The following GRIK2 variants were observed in gnomAD, a reference collection of about 807,000 sequenced individuals.
GRIK2 encodes glutamate ionotropic receptor kainate type subunit 2.
In GRIK2, 32 loss-of-function variants were observed where a neutral mutation model predicts 100.3. The observed-to-expected ratio is 0.32, with a 90% CI of 0.24 to 0.43. The LOEUF is 0.43. GRIK2 is among the 20% of genes least tolerant of loss of function. The pLI, the probability that GRIK2 is intolerant of heterozygous loss-of-function variation, is 1.00. For synonymous variants in GRIK2, 417 were observed against 389.4 expected (o/e 1.07, Z -0.83); for missense variants, 843 against 1,114.9 (o/e 0.76, Z 3.47).
At chr6:101,686,140 C>G (rs1218502326) in intron 6 of GRIK2, 40 bp from the exon 7 acceptor site, 1 of 1,547,900 alleles carries the variant, frequency 6.5e-7, no homozygotes, top group Admixed American at 1.8e-5. Flanking sequence ...TGTGAAGATA[C>G]TCTGTCCATA....
In GRIK2 at chr6:101,769,949, T is replaced by C. The variant is rs545777997; in HGVS notation, c.952-29699T>C. Among the ~76,000 whole-genome samples the C allele has an allele frequency of 7.5e-4, 114 of 152,282 alleles. 1 individual carries two copies. Among genetic ancestry groups the C allele is most frequent in the African/African-American group, 2.5e-3 (104 of 41,560 alleles). On this transcript the variant is annotated intron_variant, in intron 7 of 16. Transcript: ENST00000369134. ...CGCCAGTCCGAGGTTAGACAGGCAGTTGCTGGGCAAATGCCCTTGTAGAAA... is the reference window on the plus strand; with the variant it reads ...CGCCAGTCCGAGGTTAGACAGGCAGCTGCTGGGCAAATGCCCTTGTAGAAA...
intron 10 of GRIK2, among the ~76,000 whole-genome samples, chr6:101,857,950 A>G (rs1018129860): frequency 2.0e-5 from 3 of 151,976 alleles, no homozygotes; most frequent in Non-Finnish European, 4.4e-5. Context: ...AAACACTCCA[A>G]TATTATGTTG....
intron 7 of GRIK2, among the ~76,000 whole-genome samples, chr6:101,726,172 T>G (rs538079506): frequency 2.0e-5 from 3 of 151,990 alleles, no homozygotes; most frequent in Non-Finnish European, 4.4e-5. Flanking sequence ...ATAATCTTCC[T>G]ATGTTGGATA....
At chr6:101,583,032 A>G (rs534605472) in intron 2 of GRIK2, among the ~76,000 whole-genome samples, 3 of 152,264 alleles carry the variant, frequency 2.0e-5, no homozygotes, top group South Asian at 2.1e-4. Flanking sequence ...ATAAGGAGAC[A>G]ATCAGGCAAG....
intron 14 of GRIK2, among the ~76,000 whole-genome samples, chr6:101,962,692 A>G (rs6929634): frequency 0.032 from 4,899 of 152,060 alleles, 151 homozygotes; most frequent in East Asian, 0.065. Context: ...TTTTTGCTTC[A>G]TATTTTGGGG....
At chr6:101,857,246 A>G (rs892771088) in intron 10 of GRIK2, among the ~76,000 whole-genome samples, 2 of 152,212 alleles carry the variant, frequency 1.3e-5, no homozygotes, top group African/African-American at 4.8e-5. Context: ...CAATGTCATC[A>G]GGGTACAGTC....
intron 10 of GRIK2, among the ~76,000 whole-genome samples, chr6:101,823,355 A>G (rs1782083233): frequency 7.2e-6 from 1 of 139,796 alleles, no homozygotes; most frequent in South Asian, 2.3e-4. Context: ...TTTATTTTAT[A>G]TATTTTTTTA....
chr6:101,805,738 G>A (rs1304059269), intron 9 of GRIK2, among the ~76,000 whole-genome samples: 2 of 152,030 alleles, frequency 1.3e-5, no homozygotes, highest in Non-Finnish European at 2.9e-5. Flanking sequence ...GTGCTGAAAA[G>A]AAGGTCATTT....
intron 9 of GRIK2, among the ~76,000 whole-genome samples, chr6:101,804,464 T>C (rs1412805856): frequency 1.3e-5 from 2 of 151,928 alleles, no homozygotes; most frequent in East Asian, 3.9e-4. Context: ...TTAAAACCAT[T>C]CTAATAGGAA....
chr6:101,870,634 A>G (rs1316651793), intron 11 of GRIK2, among the ~76,000 whole-genome samples: 1 of 151,452 alleles, frequency 6.6e-6, no homozygotes. Flanking sequence ...TTTTCTTTCC[A>G]CACTAAAGGA....
chr6:101,939,823 G>A (rs2128475223), intron 14 of GRIK2, among the ~76,000 whole-genome samples: 1 of 152,176 alleles, frequency 6.6e-6, no homozygotes, highest in African/African-American at 2.4e-5. Flanking sequence ...TAAACTGAGG[G>A]ACTTAGGATT....
At chr6:101,609,436 A>G (rs1327565943) in intron 2 of GRIK2, among the ~76,000 whole-genome samples, 2 of 151,800 alleles carry the variant, frequency 1.3e-5, no homozygotes, top group African/African-American at 4.8e-5. Context: ...TATAAAAATA[A>G]CTCATGTCAT....
At chr6:101,879,874 A>G (rs1034190015) in intron 11 of GRIK2, among the ~76,000 whole-genome samples, 1 of 151,946 alleles carries the variant, frequency 6.6e-6, no homozygotes, top group Admixed American at 6.6e-5. Context: ...TCAAGCAGTG[A>G]AACTCAAAAA....
rs1776217844 is a variant in GRIK2 at position 101,546,097 on chromosome 6, AG to A, written c.116-75851del. 3.3e-5 allele frequency among the ~76,000 whole-genome samples: 5 copies of A among 152,286 alleles called. 1 individual carries two copies. In the South Asian group the frequency reaches 1.0e-3, roughly 32 times the overall value. Reference sequence around the variant, plus strand: ...GAACTTTTCATGGTTATTCACTTTTAGATTTCGACTCAAAAGTGCCTGGATT... The same window carrying A: ...GAACTTTTCATGGTTATTCACTTTTAATTTCGACTCAAAAGTGCCTGGATT... On this transcript the variant is annotated intron_variant, in intron 2 of 16. Transcript: ENST00000369134.
chr6:101,440,607 G>A (rs1769990674), intron 2 of GRIK2, among the ~76,000 whole-genome samples: 1 of 152,262 alleles, frequency 6.6e-6, no homozygotes, highest in South Asian at 2.1e-4. Flanking sequence ...CTGTCTGTGT[G>A]ATAGAACCTG....
At chr6:101,998,331 C>T (rs1582691947) in intron 14 of GRIK2, among the ~76,000 whole-genome samples, 1 of 152,084 alleles carries the variant, frequency 6.6e-6, no homozygotes, top group African/African-American at 2.4e-5. Flanking sequence ...TGTGTGTACT[C>T]AATTTGTGCT....
At chr6:101,596,554 G>A (rs925665207) in intron 2 of GRIK2, among the ~76,000 whole-genome samples, 10 of 151,672 alleles carry the variant, frequency 6.6e-5, no homozygotes, top group Non-Finnish European at 1.3e-4. Context: ...CTTAAAGGGT[G>A]AGTGAATGAA....
At chr6:101,592,009 G>C (rs760153614) in intron 2 of GRIK2, among the ~76,000 whole-genome samples, 3 of 151,802 alleles carry the variant, frequency 2.0e-5, no homozygotes, top group Non-Finnish European at 4.4e-5. Flanking sequence ...ACGAATTCTT[G>C]CTCAATTAGT....
intron 7 of GRIK2, among the ~76,000 whole-genome samples, chr6:101,796,894 T>TA (rs1218956013): frequency 3.9e-5 from 6 of 152,120 alleles, no homozygotes; most frequent in African/African-American, 1.4e-4. Flanking sequence ...TAATTGTACT[T>TA]AAAATAACAG....
Sources: gnomAD v4.1 joint callset for allele counts (sites outside exome capture counted in the v4.1 genomes callset) on GRCh38, gnomAD v4.1.1 for gene constraint, MANE v1.5 for transcripts, NCBI Gene and HGNC (gene_info 2026-07-23, HGNC 2026-07-21) for gene names.